SHC4: variants seen among roughly 807,000 people sequenced by gnomAD.
The protein encoded by SHC4 is SHC adaptor protein 4.
A neutral mutation model predicts 69.4 loss-of-function variants in SHC4; 41 were observed. The observed-to-expected ratio is 0.59, with a 90% CI of 0.46 to 0.77. SHC4 has a LOEUF of 0.77. Ranked by LOEUF, SHC4 falls within the 30% of genes least tolerant of loss-of-function variation. SHC4 has a pLI of 0.00. For synonymous variants in SHC4, 318 were observed against 299.3 expected (o/e 1.06, Z -0.64); for missense variants, 777 against 783.8 (o/e 0.99, Z 0.10).
rs1271205798 is a variant in SHC4, at chr15:48,888,698, C to A, written c.720+2050G>T. On this transcript the variant is annotated intron_variant, in intron 3 of 11. Transcript: ENST00000332408. ...CACTTGAGGCCAGGGAGTTAGAGACCAGCCTGGCCAAAATGGTAAAACCTC... is the reference window on the plus strand; with the variant it reads ...CACTTGAGGCCAGGGAGTTAGAGACAAGCCTGGCCAAAATGGTAAAACCTC... Among the ~76,000 whole-genome samples, 8 of 152,022 alleles carry A rather than the reference C, an allele frequency of 5.3e-5. No individual in the cohort carries two copies. The East Asian group carries it at 1.4e-3, about 26-fold the overall frequency.
chr15:48,840,874 C>T (rs1898976963), intron 10 of SHC4, among the ~76,000 whole-genome samples: 1 of 151,958 alleles, frequency 6.6e-6, no homozygotes, highest in Admixed American at 6.6e-5. Context: ...TACCAAAGGC[C>T]TAAATTATTA....
chr15:48,861,774 G>C (rs866188961), intron 6 of SHC4, among the ~76,000 whole-genome samples: 4 of 152,210 alleles, frequency 2.6e-5, no homozygotes, highest in Middle Eastern at 3.4e-3. Flanking sequence ...TGGGTATCAA[G>C]TACTAAACTA....
At chr15:48,910,384 T>C (rs967239242) in intron 2 of SHC4, among the ~76,000 whole-genome samples, 1 of 152,170 alleles carries the variant, frequency 6.6e-6, no homozygotes, top group Non-Finnish European at 1.5e-5. Flanking sequence ...ATCTTTTGTA[T>C]TTCAGTGGTG....
chr15:48,955,415 G>A (rs1240613533), intron 1 of SHC4, among the ~76,000 whole-genome samples: 2 of 152,048 alleles, frequency 1.3e-5, no homozygotes, highest in Non-Finnish European at 2.9e-5. Flanking sequence ...GGCTTGGTTC[G>A]GTCCCTCCAT....
At chr15:48,901,372 C>T (rs1024589603) in intron 2 of SHC4, among the ~76,000 whole-genome samples, 21 of 152,050 alleles carry the variant, frequency 1.4e-4, no homozygotes, top group African/African-American at 4.1e-4. Flanking sequence ...TTGTCTTGTT[C>T]GGTTTCTTGG....
Position 48,823,817 on chromosome 15 carries a change from A to G in SHC4, c.*2154T>C, listed in dbSNP as rs904702734. 2 of 152,226 alleles carry G rather than the reference A, an allele frequency of 1.3e-5. No homozygotes were observed. The highest frequency in any genetic ancestry group is 1.5e-5 in the Non-Finnish European group (1 of 68,044). The allele number at this position is 152,226 out of a possible 1,614,324, so 9.4% of individuals were successfully genotyped here. A position where few individuals can be genotyped will look rare whatever the true frequency, so the allele number is the denominator to read the frequency against. On this transcript the variant is annotated 3_prime_UTR_variant, in exon 12 of 12. Transcript: ENST00000332408. ...TAGGCAAATGGATTTCCACTTTAAG[A>G]CAGATAAAGAATGTGAGATTAAAAT...
At chr15:48,852,414 A>G (rs966396347) in intron 8 of SHC4, among the ~76,000 whole-genome samples, 1 of 152,244 alleles carries the variant, frequency 6.6e-6, no homozygotes. Flanking sequence ...AAATATAATA[A>G]AATGTTAATT....
chr15:48,857,831 CA>C lies in SHC4; in HGVS notation c.947-17del. On this transcript the variant is annotated splice_polypyrimidine_tract_variant and intron_variant, in intron 6 of 11. Transcript: ENST00000332408. ...ATGTGACAGGCTGCAAGAGGACATA[CA>C]AAAAATAATATTATAATAAATTTTT... 3 of 1,486,918 alleles carry C rather than the reference CA, an allele frequency of 2.0e-6. No homozygotes were observed. The highest frequency in any genetic ancestry group is 2.7e-6 in the Non-Finnish European group (3 of 1,118,654). The allele number at this position is 1,486,918 out of a possible 1,614,324, so 92.1% of individuals were successfully genotyped here.
In SHC4 at chr15:48,895,694, T is replaced by A. The variant is rs1309756245; in HGVS notation, c.657-4883A>T. ...CACTCAGAACTGTATATTTGAGGCA[T>A]GTGAGGCTTTACAGAGCGCCCAAAA... is the stretch of plus-strand genomic sequence containing the variant. On this transcript the variant is annotated intron_variant, in intron 2 of 11. Coordinates refer to ENST00000332408, the MANE Select transcript of SHC4 (RefSeq NM_203349.4). Among the ~76,000 whole-genome samples, 9 of 152,302 alleles carry A rather than the reference T, an allele frequency of 5.9e-5. No homozygotes were observed. The East Asian group carries it at 1.7e-3, about 29-fold the overall frequency.
intron 2 of SHC4, among the ~76,000 whole-genome samples, chr15:48,897,690 T>C (rs1205004792): frequency 6.9e-6 from 1 of 145,320 alleles, no homozygotes; most frequent in African/African-American, 2.6e-5. Context: ...ATGTGCAACA[T>C]GAAACCAGGC....
In SHC4 at chr15:48,894,742, C is replaced by T. The variant is rs192260724; in HGVS notation, c.657-3931G>A. Among the ~76,000 whole-genome samples, 15 of 152,054 alleles carry T rather than the reference C, an allele frequency of 9.9e-5. 1 individual carries two copies. Among genetic ancestry groups the T allele is most frequent in the Admixed American group, 9.2e-4 (14 of 15,258 alleles). ...GTGCACCTTGCAGTAGCAGGGAGCC[C>T]GAGTTTCAGTGAAAGAACAGCCTCT... is the stretch of plus-strand genomic sequence containing the variant. On this transcript the variant is annotated intron_variant, in intron 2 of 11. Transcript: ENST00000332408.
chr15:48,955,410 G>C (rs902316367), intron 1 of SHC4, among the ~76,000 whole-genome samples: 1 of 152,102 alleles, frequency 6.6e-6, no homozygotes, highest in Admixed American at 6.5e-5. Context: ...GTCCAGGCTT[G>C]GTTCGGTCCC....
chr15:48,927,271 G>A (rs1002128794), intron 1 of SHC4, among the ~76,000 whole-genome samples: 14 of 152,116 alleles, frequency 9.2e-5, no homozygotes, highest in South Asian at 2.1e-4. Context: ...TAGGTCTTGC[G>A]TCCCTATATC....
At position 48,902,202 on chromosome 15, in the gene SHC4, C is replaced by CAA. The variant is rs35158653; in HGVS notation, c.657-11393_657-11392dup. The stretch of plus-strand genomic sequence containing the variant: ...TGGGCCAGGAAGTGAGACTGTGTCT[C>CAA]AAAAAAAAAAAAAAAAAGAACTGGG... On this transcript the variant is annotated intron_variant, in intron 2 of 11. Transcript: ENST00000332408. 1.0e-3 allele frequency among the ~76,000 whole-genome samples: 74 copies of CAA among 73,526 alleles called. 1 individual carries two copies. The highest frequency in any genetic ancestry group is 7.7e-3 in the Middle Eastern group (1 of 130). 48.2% of individuals were successfully genotyped at this position (73,526 alleles called of 152,430 possible). A position where few individuals can be genotyped will look rare whatever the true frequency, so the allele number is the denominator to read the frequency against.
chr15:48,892,506 G>A (rs1292198394), intron 2 of SHC4, among the ~76,000 whole-genome samples: 2 of 152,052 alleles, frequency 1.3e-5, no homozygotes, highest in Middle Eastern at 3.2e-3. Flanking sequence ...GGCTTGGTTG[G>A]TTGATTGACA....
At chr15:48,929,641 A>G (rs1170005060) in intron 1 of SHC4, among the ~76,000 whole-genome samples, 2 of 152,206 alleles carry the variant, frequency 1.3e-5, no homozygotes, top group Non-Finnish European at 2.9e-5. Flanking sequence ...AACACGGTGA[A>G]CAGTGTCGAG....
intron 10 of SHC4, among the ~76,000 whole-genome samples, chr15:48,837,757 C>T (rs935565303): frequency 5.3e-5 from 8 of 152,112 alleles, no homozygotes; most frequent in Non-Finnish European, 8.8e-5. Flanking sequence ...ATATTGTTCA[C>T]AATCAGACCT....
chr15:48,902,436 T>C lies in SHC4; in HGVS notation c.657-11625A>G, dbSNP rs116401442. ...CTAGTAGGCTGCCTTGGAAATACAATGTATTCAACATACAAATGTTAGGTA... is the reference window on the plus strand; with the variant it reads ...CTAGTAGGCTGCCTTGGAAATACAACGTATTCAACATACAAATGTTAGGTA... On this transcript the variant is annotated intron_variant, in intron 2 of 11. Transcript: ENST00000332408. 7.3e-3 allele frequency among the ~76,000 whole-genome samples: 1,109 copies of C among 152,254 alleles called. 16 individuals are homozygous for C. Among genetic ancestry groups the C allele is most frequent in the African/African-American group, 0.026 (1,071 of 41,524 alleles).
rs1245932134 is a variant in SHC4 at position 48,923,392 on chromosome 15, A to G, written c.656+1487T>C. 2.6e-5 allele frequency among the ~76,000 whole-genome samples: 4 copies of G among 152,110 alleles called. No individual in the cohort carries two copies. In the East Asian group the frequency reaches 7.7e-4, roughly 29 times the overall value. ...ATAGTGAAACCCCATCTCTACTAAA[A>G]ATATGAAATTAGCCGGGTGTGGTGG... On this transcript the variant is annotated intron_variant, in intron 2 of 11. Coordinates refer to ENST00000332408, the MANE Select transcript of SHC4 (RefSeq NM_203349.4).
Sources: gnomAD v4.1 joint callset for allele counts (sites outside exome capture counted in the v4.1 genomes callset) on GRCh38, gnomAD v4.1.1 for gene constraint, MANE v1.5 for transcripts, NCBI Gene and HGNC (gene_info 2026-07-23, HGNC 2026-07-21) for gene names.